ARHGAP32: variants seen among roughly 807,000 people sequenced by gnomAD.
ARHGAP32 encodes the protein Rho GTPase activating protein 32.
ARHGAP32 carries 51 observed loss-of-function variants against 186.5 expected under a neutral mutation model. The observed-to-expected ratio is 0.27, with a 90% CI of 0.22 to 0.35. ARHGAP32 has a LOEUF of 0.35. Among genes scored for constraint, ARHGAP32 ranks in the 10% least tolerant of loss-of-function variants. The probability of loss-of-function intolerance (pLI) is 1.00; values close to 1 mark genes in which losing one functional copy is unlikely to be tolerated. For missense variants in ARHGAP32, 2,186 were observed against 2,623.5 expected (o/e 0.83, Z 3.64); for synonymous variants, 950 against 964.3 (o/e 0.99, Z 0.27).
At chr11:129,248,362 G>A (rs1221191493) in intron 1 of ARHGAP32, among the ~76,000 whole-genome samples, 1 of 152,028 alleles carries the variant, frequency 6.6e-6, no homozygotes, top group African/African-American at 2.4e-5. Context: ...TGACTTCCTT[G>A]CGATGCGATG....
chr11:129,044,096 AC>A lies in ARHGAP32; in HGVS notation c.964-3088del, dbSNP rs371234532. 5.0e-4 allele frequency among the ~76,000 whole-genome samples: 76 copies of A among 152,288 alleles called. 1 individual carries two copies. Among genetic ancestry groups the A allele is most frequent in the Admixed American group, 1.7e-3 (26 of 15,294 alleles). ...TTATATATAAAGCTAACACATGGCT[AC>A]AAAAAAGAAGTATCTGGGTTCAATC... On this transcript the variant is annotated intron_variant, in intron 10 of 22. Coordinates refer to ENST00000682385, the MANE Select transcript of ARHGAP32 (RefSeq NM_001378024.1).
intron 11 of ARHGAP32, among the ~76,000 whole-genome samples, chr11:128,998,903 C>T (rs1465822008): frequency 6.6e-6 from 1 of 152,120 alleles, no homozygotes; most frequent in East Asian, 1.9e-4. Context: ...TCTCTTAATC[C>T]CATCATCTTT....
At chr11:129,258,808 G>C (rs1029946779) in intron 1 of ARHGAP32, among the ~76,000 whole-genome samples, 1 of 151,968 alleles carries the variant, frequency 6.6e-6, no homozygotes, top group African/African-American at 2.4e-5. Context: ...TTAAATTTTT[G>C]ATAAATCAGT....
At position 128,969,886 on chromosome 11, in the gene ARHGAP32, C is replaced by A; in HGVS notation, c.5327G>T (p.Arg1776Leu). ...CATGACAGGCCCTTTCACCTTCTGC[C>A]GAGCACGGCTCTCTCTCCGGATGGA... is the stretch of plus-strand genomic sequence containing the variant. ...MQSIRRESRA[R>L]QKVKGPVMSQ... Residue 1776 changes from arginine to leucine, a missense_variant, in exon 23 of 23, where the codon CGG (arginine) becomes CTG (leucine). This residue lies in a region of ARHGAP32 where 1,502 missense variants were observed against 1,570.0 expected (regional missense o/e 0.96). Coordinates refer to ENST00000682385, the MANE Select transcript of ARHGAP32 (RefSeq NM_001378024.1). The surrounding 1 kb of genome is among the most constrained non-coding windows in gnomAD (Gnocchi z 4.8). 3 of 1,614,186 alleles carry A rather than the reference C, an allele frequency of 1.9e-6. No homozygotes were observed. Among genetic ancestry groups the A allele is most frequent in the South Asian group, 2.2e-5 (2 of 91,086 alleles).
At chr11:129,230,001 G>A (rs1279817667) in intron 1 of ARHGAP32, among the ~76,000 whole-genome samples, 1 of 152,088 alleles carries the variant, frequency 6.6e-6, no homozygotes, top group Admixed American at 6.6e-5. Context: ...TTTTTATAGA[G>A]ACAAGGTTTT....
At chr11:129,094,806 G>A (rs1941685586) in intron 5 of ARHGAP32, among the ~76,000 whole-genome samples, 1 of 152,124 alleles carries the variant, frequency 6.6e-6, no homozygotes, top group African/African-American at 2.4e-5. Flanking sequence ...ACAACCCTGA[G>A]TTCAAATGTG....
intron 1 of ARHGAP32, among the ~76,000 whole-genome samples, chr11:129,245,656 AAATAATAATAATAATAAT>A (rs56047154): frequency 0.26 from 38,692 of 146,184 alleles, 5,647 homozygotes; most frequent in Middle Eastern, 0.38. Flanking sequence ...CAACAGATTA[AAATAATAATAATAATAAT>A]AATAATAATA....
rs1173260355 is a variant in ARHGAP32 at position 129,083,641 on chromosome 11, C to T, written c.531+9980G>A. Among the ~76,000 whole-genome samples the T allele has an allele frequency of 2.6e-5, 4 of 152,062 alleles. No individual in the cohort carries two copies. In the East Asian group the frequency reaches 7.7e-4, roughly 29 times the overall value. ...TACACTGCTCAGGTGATGGGTACAC[C>T]AAAATTTCAGAAATCACCACTAAAG... On this transcript the variant is annotated intron_variant, in intron 6 of 22. Transcript: ENST00000682385.
chr11:129,047,452 T>G (rs1939860535), intron 10 of ARHGAP32, among the ~76,000 whole-genome samples: 1 of 152,148 alleles, frequency 6.6e-6, no homozygotes, highest in South Asian at 2.1e-4. Context: ...ATTCCAGGTT[T>G]TTTTTGTTTT....
chr11:129,127,067 G>T (rs530589785), intron 2 of ARHGAP32, among the ~76,000 whole-genome samples: 1 of 152,274 alleles, frequency 6.6e-6, no homozygotes, highest in African/African-American at 2.4e-5. Flanking sequence ...TGGTAGACTG[G>T]AAATTGAAAC....
intron 1 of ARHGAP32, among the ~76,000 whole-genome samples, chr11:129,204,202 T>C (rs1475713830): frequency 6.6e-6 from 1 of 151,882 alleles, no homozygotes; most frequent in East Asian, 1.9e-4. Flanking sequence ...ATAAATTGTA[T>C]ACATATAAAA....
chr11:129,188,165 A>T (rs1016604425), intron 1 of ARHGAP32, among the ~76,000 whole-genome samples: 1 of 152,144 alleles, frequency 6.6e-6, no homozygotes, highest in Non-Finnish European at 1.5e-5. Context: ...CATGTTGGCC[A>T]GGCTGATCTC....
intron 1 of ARHGAP32, among the ~76,000 whole-genome samples, chr11:129,219,178 T>C (rs1323986367): frequency 2.0e-5 from 3 of 152,200 alleles, no homozygotes; most frequent in African/African-American, 7.2e-5. Context: ...CTTCTCCCAT[T>C]TGGGGCATTA....
At chr11:129,241,269 T>C (rs968596039) in intron 1 of ARHGAP32, among the ~76,000 whole-genome samples, 8 of 152,238 alleles carry the variant, frequency 5.3e-5, no homozygotes, top group African/African-American at 1.4e-4. Flanking sequence ...TAAAACTTCA[T>C]TAAATTTCCT....
At position 128,970,360 on chromosome 11, in the gene ARHGAP32, A is replaced by C; in HGVS notation, c.4853T>G (p.Val1618Gly). 1 of 1,614,114 alleles carries C rather than the reference A, an allele frequency of 6.2e-7. No homozygotes were observed. The highest frequency in any genetic ancestry group is 8.5e-7 in the Non-Finnish European group (1 of 1,180,016). The part of the protein sequence containing the change: ...IRSVPISRTE[V>G]PPDDEPAYCP... ...GTAGGCTGGCTCATCATCTGGGGGA[A>C]CTTCTGTCCGTGAAATGGGAACAGA... Residue 1618 changes from valine to glycine, a missense_variant, in exon 23 of 23, where the codon GTT becomes GGT. By Grantham distance (109) the Val-to-Gly change is moderately radical (BLOSUM62 -3). Transcript: ENST00000682385. This position sits in a 1 kb window ranked among gnomAD's most constrained non-coding sequence, Gnocchi z 5.8.
At chr11:129,194,456 G>A (rs1363113160), upstream of ARHGAP32, among the ~76,000 whole-genome samples, 1 of 152,170 alleles carries the variant, frequency 6.6e-6, no homozygotes, top group Non-Finnish European at 1.5e-5. Flanking sequence ...ACGGAACAAA[G>A]CCTAAGGAAT....
intron 10 of ARHGAP32, among the ~76,000 whole-genome samples, chr11:129,060,025 T>C (rs563869541): frequency 5.9e-5 from 9 of 152,324 alleles, no homozygotes; most frequent in Non-Finnish European, 1.2e-4. Context: ...TCGTTTTTGT[T>C]TTCAATAATT....
chr11:129,124,046 G>A, intron 3 of ARHGAP32, 117 bp from the exon 4 acceptor site: 1 of 543,750 alleles, frequency 1.8e-6, no homozygotes, highest in South Asian at 2.4e-5. Flanking sequence ...ATTACTTTCA[G>A]GTACACGATG....
At chr11:129,168,934 A>G (rs1426474308) in intron 1 of ARHGAP32, among the ~76,000 whole-genome samples, 1 of 152,200 alleles carries the variant, frequency 6.6e-6, no homozygotes, top group East Asian at 1.9e-4. Flanking sequence ...TAAAAATCAC[A>G]ATGGAAATTA....
Sources: gnomAD v4.1 joint callset for allele counts (sites outside exome capture counted in the v4.1 genomes callset) on GRCh38, gnomAD v4.1.1 for gene constraint, gnomAD v4.1.1 regional missense constraint, Gnocchi (gnomAD v3.1) non-coding constraint, MANE v1.5 for transcripts, NCBI Gene and HGNC (gene_info 2026-07-23, HGNC 2026-07-21) for gene names.